Variants in SYNDIG1L observed in about 807,000 individuals in gnomAD.
The protein encoded by SYNDIG1L is synapse differentiation-inducing gene protein 1-like.
A neutral mutation model predicts 20.1 loss-of-function variants in SYNDIG1L; 13 were observed. The ratio of observed to expected loss-of-function variants is 0.65; its 90% CI spans 0.42 to 1.03. The LOEUF (loss-of-function observed/expected upper bound fraction) is 1.03, where lower values mean the gene tolerates loss of function less well. Among genes scored for constraint, SYNDIG1L ranks in the 50% least tolerant of loss-of-function variants. SYNDIG1L has a pLI of 0.00. For missense variants in SYNDIG1L, 294 were observed against 305.1 expected, an observed-to-expected ratio of 0.96 and a Z score of 0.27; for synonymous variants, 128 against 129.3, an observed-to-expected ratio of 0.99 and a Z score of 0.07.
the SYNDIG1L span, among the ~76,000 whole-genome samples, chr14:74,459,669 C>A: frequency 6.6e-6 from 1 of 152,212 alleles, no homozygotes; most frequent in Non-Finnish European, 1.5e-5. Flanking sequence ...TGTGGGGGGA[C>A]ATGCAGCCCC....
Position 74,423,933 on chromosome 14 carries a change from G to A in SYNDIG1L, c.-58+1979C>T, listed in dbSNP as rs1457672119. Among the ~76,000 whole-genome samples, 3 of 152,092 alleles carry A rather than the reference G, an allele frequency of 2.0e-5. No homozygotes were observed. In the South Asian group the frequency reaches 6.2e-4, roughly 32 times the overall value. On this transcript the variant is annotated intron_variant, in intron 1 of 3. Transcript: ENST00000331628. ...GTGGTTCCTGGCCTCTGGGCTTGGA[G>A]GCAGGAGCCCCTCTCAGTTCAGTCA...
chr14:74,470,483 C>G, the SYNDIG1L span, among the ~76,000 whole-genome samples: 2,191 of 152,242 alleles, frequency 0.014, 31 homozygotes, highest in Non-Finnish European at 0.022. Context: ...AATAGGGACA[C>G]AATGCATTGG....
chr14:74,472,845 T>C, the SYNDIG1L span, among the ~76,000 whole-genome samples: 5 of 151,930 alleles, frequency 3.3e-5, no homozygotes, highest in Admixed American at 6.6e-5. Context: ...ATTTGAGGAA[T>C]TGAAAGGAGA....
the SYNDIG1L span, chr14:74,479,947 GAC>G: frequency 7.8e-7 from 1 of 1,278,258 alleles, no homozygotes; most frequent in East Asian, 4.1e-5. Context: ...ACATGCAGAA[GAC>G]AAGACAAACG....
chr14:74,478,077 T>C, the SYNDIG1L span, among the ~76,000 whole-genome samples: 12 of 152,226 alleles, frequency 7.9e-5, no homozygotes, highest in Non-Finnish European at 1.8e-4. Flanking sequence ...CGAAATACTT[T>C]TTAATTTCGA....
chr14:74,431,823 A>T, the SYNDIG1L span, among the ~76,000 whole-genome samples: 1 of 152,218 alleles, frequency 6.6e-6, no homozygotes, highest in Non-Finnish European at 1.5e-5. Flanking sequence ...CTTCTCCGCT[A>T]GATCAGGAAC....
chr14:74,436,233 T>C, the SYNDIG1L span, among the ~76,000 whole-genome samples: 1 of 151,756 alleles, frequency 6.6e-6, no homozygotes, highest in Non-Finnish European at 1.5e-5. Flanking sequence ...ACTCATTTTT[T>C]TTTTTTTTTT....
the SYNDIG1L span, among the ~76,000 whole-genome samples, chr14:74,431,532 G>A: frequency 6.6e-6 from 1 of 152,092 alleles, no homozygotes; most frequent in African/African-American, 2.4e-5. Flanking sequence ...AATTCAATAA[G>A]TTTGTTTTTA....
the SYNDIG1L span, among the ~76,000 whole-genome samples, chr14:74,438,625 C>T: frequency 6.6e-6 from 1 of 152,162 alleles, no homozygotes; most frequent in South Asian, 2.1e-4. Flanking sequence ...AGGCCATTAG[C>T]CCTTTTCTTA....
the SYNDIG1L span, among the ~76,000 whole-genome samples, chr14:74,452,407 T>C: frequency 2.0e-5 from 3 of 152,196 alleles, no homozygotes; most frequent in South Asian, 6.2e-4. Context: ...GGGGTGAGTC[T>C]TTCCTGCATG....
At chr14:74,422,164 C>T (rs2086227346) in intron 1 of SYNDIG1L, among the ~76,000 whole-genome samples, 1 of 152,148 alleles carries the variant, frequency 6.6e-6, no homozygotes, top group African/African-American at 2.4e-5. Flanking sequence ...AGATAACACA[C>T]CTAATGAAGA....
chr14:74,452,582 T>C, the SYNDIG1L span, among the ~76,000 whole-genome samples: 1 of 152,224 alleles, frequency 6.6e-6, no homozygotes, highest in South Asian at 2.1e-4. Context: ...ATTAAACCTC[T>C]TTCTTTTGTA....
At chr14:74,441,257 GC>G in the SYNDIG1L span, among the ~76,000 whole-genome samples, 2 of 152,110 alleles carry the variant, frequency 1.3e-5, no homozygotes, top group Admixed American at 1.3e-4. Context: ...TTGCTCTCCT[GC>G]CCACACTGCT....
At chr14:74,461,313 C>A in the SYNDIG1L span, among the ~76,000 whole-genome samples, 2 of 152,196 alleles carry the variant, frequency 1.3e-5, no homozygotes, top group Admixed American at 6.5e-5. Flanking sequence ...TTAGCTCTTT[C>A]AGACTTCTCT....
the SYNDIG1L span, among the ~76,000 whole-genome samples, chr14:74,435,963 T>C: frequency 6.6e-6 from 1 of 152,190 alleles, no homozygotes; most frequent in African/African-American, 2.4e-5. Flanking sequence ...AATCCTCTAC[T>C]TGGCTACAGT....
intron 1 of SYNDIG1L, among the ~76,000 whole-genome samples, chr14:74,419,152 C>T (rs867224921): frequency 6.6e-6 from 1 of 152,314 alleles, no homozygotes; most frequent in Non-Finnish European, 1.5e-5. Flanking sequence ...AAGGTCACTT[C>T]CTTAGAGAGG....
At chr14:74,473,200 AT>A in the SYNDIG1L span, among the ~76,000 whole-genome samples, 1 of 152,036 alleles carries the variant, frequency 6.6e-6, no homozygotes, top group Non-Finnish European at 1.5e-5. Context: ...AGCCTGGCCA[AT>A]ATAGTGATAC....
At chr14:74,414,179 G>GT (rs2086156333) in intron 1 of SYNDIG1L, among the ~76,000 whole-genome samples, 1 of 152,226 alleles carries the variant, frequency 6.6e-6, no homozygotes, top group African/African-American at 2.4e-5. Flanking sequence ...ACCCTGTGTG[G>GT]TTACCTGAGG....
the SYNDIG1L span, chr14:74,474,467 A>C: frequency 6.6e-6 from 1 of 152,248 alleles, no homozygotes. Flanking sequence ...GAGTTGCATA[A>C]GCCGGGTCTG....
Sources: gnomAD v4.1 joint callset for allele counts (sites outside exome capture counted in the v4.1 genomes callset) on GRCh38, gnomAD v4.1.1 for gene constraint, MANE v1.5 for transcripts, NCBI Gene and HGNC (gene_info 2026-07-23, HGNC 2026-07-21) for gene names.